Variants in DNAJB4 observed in about 807,000 individuals in gnomAD.
DNAJB4 encodes the protein DnaJ heat shock protein family (Hsp40) member B4, also known as dnaJ homolog subfamily B member 4.
A neutral mutation model predicts 26.6 loss-of-function variants in DNAJB4; 10 were observed. The ratio of observed to expected loss-of-function variants is 0.38; its 90% CI spans 0.23 to 0.64. DNAJB4 has a LOEUF of 0.64. Among genes scored for constraint, DNAJB4 ranks in the 30% least tolerant of loss-of-function variants. The pLI, the probability that DNAJB4 is intolerant of heterozygous loss-of-function variation, is 0.58. For synonymous variants in DNAJB4, 136 were observed against 134.8 expected, an observed-to-expected ratio of 1.01 and a Z score of -0.06; for missense variants, 328 against 408.2, an observed-to-expected ratio of 0.80 and a Z score of 1.69.
upstream of DNAJB4, among the ~76,000 whole-genome samples, chr1:78,000,659 A>T (rs929178663): frequency 6.6e-6 from 1 of 152,142 alleles, no homozygotes; most frequent in African/African-American, 2.4e-5. Context: ...TTATTGGGGA[A>T]TGGAGGTCAT....
chr1:77,994,668 G>GA (rs1212576409), intron 1 of DNAJB4, among the ~76,000 whole-genome samples: 1 of 151,166 alleles, frequency 6.6e-6, no homozygotes, highest in Non-Finnish European at 1.5e-5. Context: ...AAGAGTATGA[G>GA]AAGAGACATT....
At chr1:77,997,363 A>C (rs1471597739) in intron 1 of DNAJB4, among the ~76,000 whole-genome samples, 6 of 150,944 alleles carry the variant, frequency 4.0e-5, no homozygotes, top group African/African-American at 1.5e-4. Context: ...CTATATATCT[A>C]TATATATATT....
At chr1:77,989,830 C>T (rs1189875633) in intron 1 of DNAJB4, among the ~76,000 whole-genome samples, 1 of 152,134 alleles carries the variant, frequency 6.6e-6, no homozygotes, top group Non-Finnish European at 1.5e-5. Flanking sequence ...TTGTATTCTG[C>T]CGTTTTCACT....
chr1:77,981,398 C>T (rs953309700), intron 1 of DNAJB4: 2 of 151,948 alleles, frequency 1.3e-5, no homozygotes, highest in Non-Finnish European at 2.9e-5. Context: ...CTCACTGTAA[C>T]CTCTGCCTAC....
intron 1 of DNAJB4, among the ~76,000 whole-genome samples, chr1:77,995,106 A>C (rs1270125212): frequency 6.6e-6 from 1 of 152,242 alleles, no homozygotes; most frequent in African/African-American, 2.4e-5. Context: ...AAAGTGTAAA[A>C]TACATGCTGT....
At chr1:77,991,413 C>T (rs1327550920) in intron 1 of DNAJB4, among the ~76,000 whole-genome samples, 1 of 152,134 alleles carries the variant, frequency 6.6e-6, no homozygotes, top group Non-Finnish European at 1.5e-5. Flanking sequence ...CTTTCAAGGT[C>T]ATTTTTAGAC....
intron 1 of DNAJB4, among the ~76,000 whole-genome samples, chr1:77,982,803 CGAAAGAAA>C (rs144672281): frequency 1.3e-5 from 2 of 151,994 alleles, no homozygotes; most frequent in African/African-American, 4.8e-5. Flanking sequence ...GTCTCAAAAA[CGAAAGAAA>C]GAAAGAAAGG....
At chr1:77,989,681 C>T (rs1182109383) in intron 1 of DNAJB4, among the ~76,000 whole-genome samples, 1 of 152,134 alleles carries the variant, frequency 6.6e-6, no homozygotes, top group Admixed American at 6.5e-5. Flanking sequence ...CATGAAATAG[C>T]TTCTGTCTTT....
intron 1 of DNAJB4, among the ~76,000 whole-genome samples, chr1:77,982,505 T>C (rs1659677126): frequency 6.6e-6 from 1 of 152,238 alleles, no homozygotes; most frequent in Non-Finnish European, 1.5e-5. Flanking sequence ...GTTACCCACA[T>C]TGGCTACAGG....
At chr1:78,011,936 TTAA>T (rs1426279121) in intron 1 of DNAJB4, among the ~76,000 whole-genome samples, 1 of 148,618 alleles carries the variant, frequency 6.7e-6, no homozygotes, top group African/African-American at 2.4e-5. Context: ...ATATATTTTA[TTAA>T]TATATTTATA....
chr1:77,982,579 C>T (rs1399609812), intron 1 of DNAJB4, among the ~76,000 whole-genome samples: 2 of 11,330 alleles, frequency 1.8e-4, no homozygotes, highest in Non-Finnish European at 5.0e-4. Context: ...GGGTGGATCA[C>T]CTAAGGTCAG....
intron 1 of DNAJB4, among the ~76,000 whole-genome samples, chr1:77,981,674 G>A (rs1659651875): frequency 6.6e-6 from 1 of 152,176 alleles, no homozygotes; most frequent in South Asian, 2.1e-4. Context: ...AAGGTTCTTT[G>A]TGAAAATATA....
chr1:77,983,207 C>G (rs545190451), intron 1 of DNAJB4, among the ~76,000 whole-genome samples: 1 of 152,302 alleles, frequency 6.6e-6, no homozygotes, highest in East Asian at 1.9e-4. Flanking sequence ...ATAAACATCT[C>G]AATGCTTTAC....
At chr1:78,005,864 A>G (rs1014247475) in intron 1 of DNAJB4, among the ~76,000 whole-genome samples, 2 of 152,260 alleles carry the variant, frequency 1.3e-5, no homozygotes, top group Admixed American at 6.5e-5. Flanking sequence ...TCTCAGAAGC[A>G]GAAGGCGCAG....
chr1:78,013,482 A>G lies in DNAJB4; in HGVS notation c.643A>G (p.Thr215Ala), dbSNP rs1033487023. 1.9e-6 allele frequency: 3 copies of G among 1,614,076 alleles called. No individual in the cohort carries two copies. Among genetic ancestry groups the G allele is most frequent in the African/African-American group, 2.7e-5 (2 of 74,946 alleles). Residue 215 changes from threonine to alanine, a missense_variant, in exon 2 of 3, where the codon ACT (threonine) becomes GCT (alanine). Transcript: ENST00000370763. ...AGGGTGGAAAGAAGGCACCAAAATT[A>G]CTTTTCCAAGAGAAGGAGATGAAAC... ...KKGWKEGTKI[T>A]FPREGDETPN...
Position 77,986,337 on chromosome 1 carries a change from G to T in DNAJB4, c.-32+6015G>T, listed in dbSNP as rs150195099. ...AATTTCCTCACTACTTATGGCCACA[G>T]CCTGCATCTAGTCTTCATCCAGACA... On this transcript the variant is annotated intron_variant, in intron 1 of 2. Coordinates refer to the DNAJB4 transcript ENST00000426517. Among the ~76,000 whole-genome samples the T allele has an allele frequency of 2.9e-4, 44 of 152,286 alleles. No individual in the cohort carries two copies. In the East Asian group the frequency reaches 7.5e-3, roughly 26 times the overall value.
chr1:78,000,960 A>T (rs6424640), upstream of DNAJB4, among the ~76,000 whole-genome samples: 136,555 of 151,880 alleles, frequency 0.9, 61,507 homozygotes, highest in Non-Finnish European at 0.93. Context: ...TCTATTCTGG[A>T]CCAGCCTGGG....
intron 1 of DNAJB4, among the ~76,000 whole-genome samples, chr1:77,993,388 C>T (rs940608644): frequency 6.6e-6 from 1 of 151,950 alleles, no homozygotes; most frequent in Admixed American, 6.6e-5. Context: ...AATCTTGGCT[C>T]ACTGAACCTC....
upstream of DNAJB4, chr1:78,004,440 A>C (rs1044564004): frequency 4.6e-5 from 7 of 152,220 alleles, no homozygotes; most frequent in African/African-American, 1.7e-4. Context: ...TTTCTGATTG[A>C]TAGACCCCAG....
Sources: gnomAD v4.1 joint callset for allele counts (sites outside exome capture counted in the v4.1 genomes callset) on GRCh38, gnomAD v4.1.1 for gene constraint, MANE v1.5 for transcripts, NCBI Gene and HGNC (gene_info 2026-07-23, HGNC 2026-07-21) for gene names.